The following TMCC1 variants were observed in gnomAD, a reference collection of about 807,000 sequenced individuals.
TMCC1 encodes transmembrane and coiled-coil domain family 1, also known as transmembrane and coiled-coil domains protein 1.
A neutral mutation model predicts 52.4 loss-of-function variants in TMCC1; 15 were observed. The observed-to-expected ratio is 0.29, with a 90% CI of 0.19 to 0.44. The LOEUF is 0.44. TMCC1 is among the 20% of genes least tolerant of loss of function. The pLI, the probability that TMCC1 is intolerant of heterozygous loss-of-function variation, is 1.00. For synonymous variants in TMCC1, 279 were observed against 301.9 expected (o/e 0.92, Z 0.79); for missense variants, 503 against 806.0 (o/e 0.62, Z 4.55).
In TMCC1 at chr3:129,828,038, T is replaced by C; in HGVS notation, c.341A>G (p.Lys114Arg). ...ATGCAAGCTTGTCCCTCTCTTCATC[T>C]TGGGTGGCACTCGAATCTGCTGCAG... ...RVLQQIRVPP[K>R]MKRGTSLHSR... The change falls in exon 4 of 7, where the codon AAG (lysine) becomes AGG (arginine). Residue 114 changes from lysine (K) to arginine (R), a missense_variant. Physicochemically the swap from Lys to Arg is conservative, Grantham distance 26. This residue lies in a region of TMCC1 where 217 missense variants were observed against 297.9 expected (regional missense o/e 0.73). Transcript: ENST00000393238. The surrounding 1 kb of genome is among the most constrained non-coding windows in gnomAD (Gnocchi z 4.1). 1 of 1,614,122 alleles carries C rather than the reference T, an allele frequency of 6.2e-7. No homozygotes were observed. Among genetic ancestry groups the C allele is most frequent in the Non-Finnish European group, 8.5e-7 (1 of 1,179,990 alleles).
intron 5 of TMCC1, among the ~76,000 whole-genome samples, chr3:129,656,983 G>A (rs977428812): frequency 1.6e-4 from 25 of 152,184 alleles, no homozygotes; most frequent in African/African-American, 6.0e-4. Flanking sequence ...CCACTCTTCT[G>A]TGGTGTTTTC....
At chr3:129,882,168 TA>T (rs1442831405) in intron 1 of TMCC1, among the ~76,000 whole-genome samples, 3 of 152,038 alleles carry the variant, frequency 2.0e-5, no homozygotes, top group Non-Finnish European at 4.4e-5. Context: ...AGAGAACTCT[TA>T]AAACTCAAAA....
chr3:129,681,439 A>C (rs1340561071), intron 4 of TMCC1, among the ~76,000 whole-genome samples: 2 of 152,028 alleles, frequency 1.3e-5, no homozygotes, highest in Non-Finnish European at 2.9e-5. Context: ...AAGAATGATA[A>C]GTAGTCAACG....
chr3:129,815,919 T>G (rs2058073063), intron 4 of TMCC1, among the ~76,000 whole-genome samples: 1 of 152,126 alleles, frequency 6.6e-6, no homozygotes, highest in African/African-American at 2.4e-5. Flanking sequence ...AATTTTATAA[T>G]GGGCAAAAGA....
intron 4 of TMCC1, among the ~76,000 whole-genome samples, chr3:129,730,585 G>C (rs1353757490): frequency 1.3e-5 from 2 of 152,200 alleles, no homozygotes; most frequent in African/African-American, 2.4e-5. Context: ...AAGCTGGGCA[G>C]AATAATTCAC....
intron 4 of TMCC1, among the ~76,000 whole-genome samples, chr3:129,680,113 C>A (rs575257128): frequency 9.2e-5 from 14 of 152,024 alleles, no homozygotes; most frequent in South Asian, 2.1e-4. Context: ...CATGAATTGC[C>A]CTAAAATACT....
At position 129,821,446 on chromosome 3, in the gene TMCC1, T is replaced by C. The variant is rs2058421145; in HGVS notation, c.576+6357A>G. On this transcript the variant is annotated intron_variant, in intron 4 of 6. Transcript: ENST00000393238. ...ACTCAAATATTTGTTAAGAATGATC[T>C]GATATAATGATATAAAAACAAATTC... Among the ~76,000 whole-genome samples, 5 of 152,214 alleles carry C rather than the reference T, an allele frequency of 3.3e-5. No individual in the cohort carries two copies. In the South Asian group the frequency reaches 1.0e-3, roughly 32 times the overall value.
chr3:129,745,968 G>A (rs543337467), intron 4 of TMCC1, among the ~76,000 whole-genome samples: 1 of 150,280 alleles, frequency 6.7e-6, no homozygotes, highest in South Asian at 2.1e-4. Context: ...TGTTGCCCAC[G>A]CTGGTCTCAA....
chr3:129,790,347 G>A (rs2056366776), intron 4 of TMCC1, among the ~76,000 whole-genome samples: 1 of 152,110 alleles, frequency 6.6e-6, no homozygotes, highest in African/African-American at 2.4e-5. Context: ...GTTCATATTT[G>A]TTTACGTATG....
chr3:129,684,586 CAG>C (rs1255632371), intron 4 of TMCC1, among the ~76,000 whole-genome samples: 4 of 152,152 alleles, frequency 2.6e-5, no homozygotes, highest in Admixed American at 6.6e-5. Flanking sequence ...AGAGGAGACA[CAG>C]AGAACAAGGC....
intron 4 of TMCC1, among the ~76,000 whole-genome samples, chr3:129,795,459 A>T (rs2056758076): frequency 1.6e-4 from 1 of 6,254 alleles, no homozygotes; most frequent in African/African-American, 2.2e-4. Flanking sequence ...TCATTCGTAT[A>T]TTTTTTTTCC....
At position 129,651,391 on chromosome 3, in the gene TMCC1, G is replaced by T; in HGVS notation, c.*90C>A. The stretch of plus-strand genomic sequence containing the variant: ...AGATTCACTCAACTCTTTTTTTGTT[G>T]TAGAAAACTTCAGAGTAGGTAAGTT... On this transcript the variant is annotated 3_prime_UTR_variant, in exon 7 of 7. Coordinates refer to ENST00000393238, the MANE Select transcript of TMCC1 (RefSeq NM_001017395.5). The surrounding 1 kb of genome is among the most constrained non-coding windows in gnomAD (Gnocchi z 5.1). 4.4e-6 allele frequency: 6 copies of T among 1,358,088 alleles called. No individual in the cohort carries two copies. The highest frequency in any genetic ancestry group is 4.6e-5 in the Admixed American group (2 of 43,914). The allele number at this position is 1,358,088 out of a possible 1,614,324, so 84.1% of individuals were successfully genotyped here.
chr3:129,846,786 T>C (rs1191289808), intron 2 of TMCC1, among the ~76,000 whole-genome samples: 3 of 150,490 alleles, frequency 2.0e-5, no homozygotes, highest in Admixed American at 6.7e-5. Flanking sequence ...CCCAGCACTT[T>C]GGGATGCTGA....
At chr3:129,792,971 AGT>A (rs1159975816) in intron 4 of TMCC1, among the ~76,000 whole-genome samples, 1 of 152,240 alleles carries the variant, frequency 6.6e-6, no homozygotes, top group Non-Finnish European at 1.5e-5. Flanking sequence ...CCCATAATAT[AGT>A]TACCTTCTAA....
At chr3:129,711,894 A>G (rs377370543) in intron 4 of TMCC1, among the ~76,000 whole-genome samples, 41 of 148,816 alleles carry the variant, frequency 2.8e-4, no homozygotes, top group Non-Finnish European at 5.3e-4. Flanking sequence ...CCCAGCTACT[A>G]AGGAGGCTGA....
At chr3:129,851,358 G>A (rs9870909) in intron 2 of TMCC1, among the ~76,000 whole-genome samples, 13,759 of 152,022 alleles carry the variant, frequency 0.091, 2,032 homozygotes, top group African/African-American at 0.31. Flanking sequence ...CAGTTGAGTG[G>A]ATCAAACTTC....
chr3:129,666,924 C>T (rs553787970), intron 5 of TMCC1, among the ~76,000 whole-genome samples: 2 of 150,608 alleles, frequency 1.3e-5, no homozygotes, highest in East Asian at 2.0e-4. Flanking sequence ...TTTTTTGAGA[C>T]GGAGTCTCAC....
At chr3:129,699,485 C>T (rs1449958695) in intron 4 of TMCC1, among the ~76,000 whole-genome samples, 2 of 152,140 alleles carry the variant, frequency 1.3e-5, no homozygotes, top group Non-Finnish European at 2.9e-5. Flanking sequence ...AGTATTCCAC[C>T]CCTTGTTTCA....
chr3:129,783,523 G>C lies in TMCC1; in HGVS notation c.576+44280C>G, dbSNP rs566291138. On this transcript the variant is annotated intron_variant, in intron 4 of 6. Transcript: ENST00000393238. ...CCTGACAAAGACTTTCATCAATAAA[G>C]TAGGGAGATCTATTTTCCAACAAGC... Among the ~76,000 whole-genome samples, 4 of 151,730 alleles carry C rather than the reference G, an allele frequency of 2.6e-5. No homozygotes were observed. In the South Asian group the frequency reaches 6.2e-4, roughly 24 times the overall value.
Sources: gnomAD v4.1 joint callset for allele counts (sites outside exome capture counted in the v4.1 genomes callset) on GRCh38, gnomAD v4.1.1 for gene constraint, gnomAD v4.1.1 regional missense constraint, Gnocchi (gnomAD v3.1) non-coding constraint, MANE v1.5 for transcripts, NCBI Gene and HGNC (gene_info 2026-07-23, HGNC 2026-07-21) for gene names.